Variants in CDH19 observed in about 807,000 individuals in gnomAD.
The protein encoded by CDH19 is cadherin-19.
In CDH19, 67 loss-of-function variants were observed where a neutral mutation model predicts 64.2. The observed-to-expected ratio is 1.04, with a 90% CI of 0.86 to 1.28. The LOEUF is 1.28. Among genes scored for constraint, CDH19 ranks in the 50% most tolerant of loss-of-function variants. The pLI, the probability that CDH19 is intolerant of heterozygous loss-of-function variation, is 0.00. For synonymous variants in CDH19, 346 were observed against 319.3 expected (o/e 1.08, Z -0.89); for missense variants, 1,030 against 929.0 (o/e 1.11, Z -1.41).
rs1313773511 is a variant in CDH19, at chr18:66,503,554, T to G, written c.*1258A>C. 1.3e-5 allele frequency: 2 copies of G among 151,804 alleles called. No individual in the cohort carries two copies. The highest frequency in any genetic ancestry group is 4.8e-5 in the African/African-American group (2 of 41,438). The allele number at this position is 151,804 out of a possible 1,614,324, so 9.4% of individuals were successfully genotyped here. A position where few individuals can be genotyped will look rare whatever the true frequency, so the allele number is the denominator to read the frequency against. On this transcript the variant is annotated 3_prime_UTR_variant, in exon 12 of 12. Coordinates refer to ENST00000262150, the MANE Select transcript of CDH19 (RefSeq NM_021153.4). ...GTAGAGGTAAAAATTTACTTAAATT[T>G]TTCCACACTTTCCACCAGTTTCATA...
intron 10 of CDH19, 78 bp from the exon 11 acceptor site, chr18:66,509,324 A>G: frequency 8.1e-7 from 1 of 1,241,066 alleles, no homozygotes. Flanking sequence ...TGTGCTAGGG[A>G]CAATAGTATA....
In CDH19 at chr18:66,557,738, T is replaced by G. The variant is rs77924960; in HGVS notation, c.491-3214A>C. Among the ~76,000 whole-genome samples, 854 of 152,006 alleles carry G rather than the reference T, an allele frequency of 5.6e-3. 12 individuals are homozygous for G. The highest frequency in any genetic ancestry group is 0.019 in the African/African-American group (798 of 41,530). ...TACATTTTTTGTGTGTGAGAAGATG[T>G]TTATGTGTATATATAGGCATATATG... On this transcript the variant is annotated intron_variant, in intron 3 of 11. Transcript: ENST00000262150.
chr18:66,556,209 A>G (rs1987513099), intron 3 of CDH19, among the ~76,000 whole-genome samples: 1 of 151,684 alleles, frequency 6.6e-6, no homozygotes, highest in Non-Finnish European at 1.5e-5. Context: ...AGATAGTAAC[A>G]TGATTACTAT....
chr18:66,506,243 T>C (rs768209456), intron 11 of CDH19, among the ~76,000 whole-genome samples: 1 of 152,130 alleles, frequency 6.6e-6, no homozygotes, highest in East Asian at 1.9e-4. Flanking sequence ...GAATAAGTTC[T>C]GGTGTTCTAT....
chr18:66,539,899 T>C (rs1986822723), intron 7 of CDH19, among the ~76,000 whole-genome samples: 1 of 151,384 alleles, frequency 6.6e-6, no homozygotes, highest in African/African-American at 2.4e-5. Context: ...AATGTATACG[T>C]GTGTGTGTGT....
In CDH19 at chr18:66,535,113, C is replaced by T. The variant is rs1354980828; in HGVS notation, c.1215-6G>A. ...TGCTCCTAGTAATAGAATACCTGAA[C>T]CAAAAGGAAAGTATACCTTAATATT... On this transcript the variant is annotated splice_polypyrimidine_tract_variant and splice_region_variant and intron_variant, in intron 7 of 11. Coordinates refer to ENST00000262150, the MANE Select transcript of CDH19 (RefSeq NM_021153.4). 2.8e-6 allele frequency: 4 copies of T among 1,438,538 alleles called. No individual in the cohort carries two copies. The highest frequency in any genetic ancestry group is 3.8e-6 in the Non-Finnish European group (4 of 1,064,256). The allele number at this position is 1,438,538 out of a possible 1,614,324, so 89.1% of individuals were successfully genotyped here. A position where few individuals can be genotyped will look rare whatever the true frequency, so the allele number is the denominator to read the frequency against.
intron 1 of CDH19, among the ~76,000 whole-genome samples, chr18:66,592,518 A>T (rs575722828): frequency 2.0e-5 from 3 of 151,730 alleles, no homozygotes; most frequent in African/African-American, 7.2e-5. Flanking sequence ...TCTATTAAAC[A>T]ATCTTTCCCC....
chr18:66,529,963 T>A lies in CDH19; in HGVS notation c.1340A>T (p.Asn447Ile). The A allele has an allele frequency of 1.4e-6, 2 of 1,477,940 alleles. No homozygotes were observed. The highest frequency in any genetic ancestry group is 1.8e-6 in the Non-Finnish European group (2 of 1,088,952). The allele number at this position is 1,477,940 out of a possible 1,614,324, so 91.6% of individuals were successfully genotyped here. The change falls in exon 9 of 12, where the codon AAT becomes ATT. Residue 447 changes from asparagine to isoleucine, a missense_variant. Asn to Ile is a moderately radical substitution (Grantham distance 149). Transcript: ENST00000262150. ...TGGGATCGAAGAGATCTGTTCTATA[T>A]TGTCTGCAATTTGAATATATATAAT... ...NLSITATEKY[N>I]IEQISSIPLY...
At chr18:66,600,090 CA>C (rs1989001606) in intron 1 of CDH19, among the ~76,000 whole-genome samples, 1 of 151,754 alleles carries the variant, frequency 6.6e-6, no homozygotes, top group Admixed American at 6.6e-5. Context: ...ATAGAATAAA[CA>C]TACTTTCTTT....
intron 3 of CDH19, among the ~76,000 whole-genome samples, chr18:66,561,650 G>C (rs2144548508): frequency 6.6e-6 from 1 of 152,182 alleles, no homozygotes; most frequent in Middle Eastern, 3.4e-3. Flanking sequence ...GGGTCACTGT[G>C]GCTGGATCAG....
chr18:66,510,821 T>G (rs1985447391), intron 10 of CDH19, among the ~76,000 whole-genome samples: 1 of 151,558 alleles, frequency 6.6e-6, no homozygotes, highest in Non-Finnish European at 1.5e-5. Flanking sequence ...ATGAAAGGCC[T>G]CTTCTGAACA....
chr18:66,513,969 C>T (rs1396648959), intron 9 of CDH19, among the ~76,000 whole-genome samples: 1 of 151,338 alleles, frequency 6.6e-6, no homozygotes, highest in Non-Finnish European at 1.5e-5. Flanking sequence ...ATTGTGTAAG[C>T]CCCAAGAATT....
chr18:66,509,322 G>T (rs1985357803), intron 10 of CDH19, 76 bp from the exon 11 acceptor site: 1 of 1,263,746 alleles, frequency 7.9e-7, no homozygotes. Flanking sequence ...CATGTGCTAG[G>T]GACAATAGTA....
intron 1 of CDH19, among the ~76,000 whole-genome samples, chr18:66,589,689 A>G (rs1208966968): frequency 8.3e-6 from 1 of 120,214 alleles, no homozygotes; most frequent in East Asian, 2.4e-4. Context: ...AAGATATAAT[A>G]TAAACATGAT....
At chr18:66,518,408 A>G (rs1985833878) in intron 9 of CDH19, among the ~76,000 whole-genome samples, 1 of 151,746 alleles carries the variant, frequency 6.6e-6, no homozygotes, top group Admixed American at 6.6e-5. Context: ...TAATTTTTGT[A>G]GTTTCAGTAG....
chr18:66,508,638 T>C (rs937959638), intron 11 of CDH19, among the ~76,000 whole-genome samples: 1 of 151,934 alleles, frequency 6.6e-6, no homozygotes, highest in African/African-American at 2.4e-5. Flanking sequence ...GAAGATTGTC[T>C]CCTGGAGTAT....
In CDH19 at chr18:66,509,233, G is replaced by A. The variant is rs1458105328; in HGVS notation, c.1590C>T (p.Val530=). Residue 530 remains valine (V), a synonymous_variant, in exon 11 of 12, where the codon GTC becomes GTT. Transcript: ENST00000262150. ...TAAAACCAGTTCTATTAGTCAAAAT[G>A]ACAGCTGTGTTATCTAAAACAAAAA... ...TIIDNQDNTA[V]ILTNRTGFNL... The A allele has an allele frequency of 6.2e-7, 1 of 1,612,174 alleles. No individual in the cohort carries two copies. Among genetic ancestry groups the A allele is most frequent in the East Asian group, 2.2e-5 (1 of 44,832 alleles).
intron 1 of CDH19, among the ~76,000 whole-genome samples, chr18:66,578,958 C>T (rs568573359): frequency 8.6e-5 from 13 of 151,788 alleles, no homozygotes; most frequent in African/African-American, 2.7e-4. Flanking sequence ...TGAAATCAGA[C>T]TAAGAACTGT....
chr18:66,516,339 C>T lies in CDH19; in HGVS notation c.1459-4654G>A, dbSNP rs574526462. 1.5e-4 allele frequency among the ~76,000 whole-genome samples: 23 copies of T among 152,036 alleles called. 1 individual carries two copies. The South Asian group carries it at 4.6e-3, about 30-fold the overall frequency. ...TTGTCATGATCCTATTGAACAACTG[C>T]TTGGTAATCAAAATCACTTTATGTG... On this transcript the variant is annotated intron_variant, in intron 9 of 11. Transcript: ENST00000262150.
Sources: allele counts gnomAD v4.1 joint callset (sites outside exome capture counted in the v4.1 genomes callset), GRCh38; gene constraint gnomAD v4.1.1; transcripts MANE v1.5; gene names NCBI Gene and HGNC (gene_info 2026-07-23, HGNC 2026-07-21).